ATAD2B: variants seen among roughly 807,000 people sequenced by gnomAD.
The protein encoded by ATAD2B is ATPase family AAA domain-containing protein 2B.
ATAD2B carries 40 observed loss-of-function variants against 167.6 expected under a neutral mutation model. The observed-to-expected ratio is 0.24, with a 90% CI of 0.19 to 0.31. ATAD2B has a LOEUF of 0.31. Among genes scored for constraint, ATAD2B ranks in the 10% least tolerant of loss-of-function variants. The probability of loss-of-function intolerance (pLI) is 1.00; values close to 1 mark genes in which losing one functional copy is unlikely to be tolerated. For missense variants in ATAD2B, 1,242 were observed against 1,757.2 expected (o/e 0.71, Z 5.24); for synonymous variants, 579 against 596.5 (o/e 0.97, Z 0.43).
intron 1 of ATAD2B, among the ~76,000 whole-genome samples, chr2:23,904,529 TTTCC>T (rs1701236765): frequency 8.0e-6 from 1 of 124,960 alleles, no homozygotes; most frequent in African/African-American, 2.9e-5. Context: ...AGGAAAGGAT[TTTCC>T]TTCCTTTTTT....
At chr2:23,757,227 G>C (rs960093138) in intron 25 of ATAD2B, among the ~76,000 whole-genome samples, 191 bp downstream of exon 25, 1 of 152,086 alleles carries the variant, frequency 6.6e-6, no homozygotes. Flanking sequence ...AGCAAAATTT[G>C]GTGCATGCCT....
chr2:23,762,266 G>A lies in ATAD2B; in HGVS notation c.3337C>T (p.Arg1113Trp), dbSNP rs1676843336. 4.3e-6 allele frequency: 7 copies of A among 1,613,422 alleles called. 1 individual carries two copies. In the East Asian group the frequency reaches 6.7e-5, roughly 15 times the overall value. Residue 1113 changes from arginine (R) to tryptophan (W), a missense_variant, in exon 24 of 28, where the codon CGG (arginine) becomes TGG (tryptophan). Physicochemically the swap from Arg to Trp is moderately radical, Grantham distance 101 (BLOSUM62 -3). This residue lies in a region of ATAD2B where 204 missense variants were observed against 324.0 expected (regional missense o/e 0.63). Coordinates refer to ENST00000238789, the MANE Select transcript of ATAD2B (RefSeq NM_017552.4). ...TCCATTGGATTTCTTTGTTTGTGCC[G>A]AAATGCCTCTTCGACTCTAGTTTCT... ...KTETRVEEAF[R>W]HKQRNPMDVW...
chr2:23,711,071 C>T, the ATAD2B span, among the ~76,000 whole-genome samples: 4 of 151,926 alleles, frequency 2.6e-5, no homozygotes, highest in African/African-American at 9.7e-5. Flanking sequence ...AAAGGGAAAA[C>T]AATGTATATT....
At chr2:23,917,216 C>T (rs914613105) in intron 1 of ATAD2B, among the ~76,000 whole-genome samples, 3 of 152,190 alleles carry the variant, frequency 2.0e-5, no homozygotes, top group Admixed American at 2.0e-4. Context: ...CAAGCCTCAC[C>T]ATCAAAAACT....
the ATAD2B span, among the ~76,000 whole-genome samples, chr2:23,727,436 G>A: frequency 6.6e-6 from 1 of 152,214 alleles, no homozygotes; most frequent in Non-Finnish European, 1.5e-5. Flanking sequence ...CTGACAAACT[G>A]TGGGACAAAC....
At chr2:23,678,003 T>G in the ATAD2B span, among the ~76,000 whole-genome samples, 50 of 152,372 alleles carry the variant, frequency 3.3e-4, no homozygotes, top group Non-Finnish European at 4.7e-4. Context: ...ACTTCTCTGC[T>G]GCAAAGCCAC....
chr2:23,700,852 T>G, the ATAD2B span, among the ~76,000 whole-genome samples: 1 of 152,126 alleles, frequency 6.6e-6, no homozygotes, highest in Non-Finnish European at 1.5e-5. This position sits in a 1 kb window ranked among gnomAD's most constrained non-coding sequence, Gnocchi z 4.6. Context: ...AGCCACTCAC[T>G]CGCTGTTGGG....
the ATAD2B span, among the ~76,000 whole-genome samples, chr2:23,738,477 C>T: frequency 2.6e-5 from 4 of 152,100 alleles, no homozygotes; most frequent in Non-Finnish European, 4.4e-5. Flanking sequence ...AGAAATAAAA[C>T]ACTTTACAGA....
intron 24 of ATAD2B, among the ~76,000 whole-genome samples, chr2:23,760,536 G>A (rs995953413): frequency 2.0e-5 from 3 of 151,732 alleles, no homozygotes; most frequent in Non-Finnish European, 4.4e-5. Context: ...GCTGGCAGGC[G>A]CCTGTCGTCC....
chr2:23,762,850 T>A (rs747084723), intron 23 of ATAD2B, among the ~76,000 whole-genome samples: 33 of 152,196 alleles, frequency 2.2e-4, no homozygotes, highest in Non-Finnish European at 4.6e-4. Context: ...AGAGATTTAT[T>A]TCTTCTATGT....
chr2:23,780,183 G>A (rs1001274328), intron 22 of ATAD2B, among the ~76,000 whole-genome samples: 2 of 151,960 alleles, frequency 1.3e-5, no homozygotes, highest in African/African-American at 4.8e-5. Flanking sequence ...AGGAGACAAA[G>A]GTTGCAGTGA....
intron 1 of ATAD2B, among the ~76,000 whole-genome samples, chr2:23,910,367 G>A (rs554968399): frequency 1.7e-4 from 25 of 150,430 alleles, no homozygotes; most frequent in Admixed American, 7.3e-4. Flanking sequence ...TAGTACAGAC[G>A]GGGTTTCTCC....
chr2:23,865,008 T>C, intron 10 of ATAD2B, 84 bp from the exon 11 acceptor site: 3 of 744,812 alleles, frequency 4.0e-6, no homozygotes, highest in Non-Finnish European at 6.3e-6. Context: ...AGTCTTACGA[T>C]TCAGAAATAC....
the ATAD2B span, among the ~76,000 whole-genome samples, chr2:23,730,665 CAAAAAAAAAAAAAAAAA>C: frequency 1.3e-4 from 4 of 31,980 alleles, no homozygotes; most frequent in Non-Finnish European, 2.2e-4. Flanking sequence ...GACTCCGTTT[CAAAAAAAAAAAAAAAAA>C]AAAAAAAAGG....
Position 23,927,044 on chromosome 2 carries a change from C to A in ATAD2B, c.-274G>T. ...CCTCCTCAGCGGGAGCCGAGCGGAG[C>A]CGCCATTTCTACCCCTTTCTCTCCC... On this transcript the variant is annotated 5_prime_UTR_variant, in exon 1 of 28. Transcript: ENST00000238789. The A allele has an allele frequency of 4.4e-6, 2 of 452,738 alleles. No homozygotes were observed. The highest frequency in any genetic ancestry group is 7.8e-6 in the Non-Finnish European group (2 of 257,786). The allele number at this position is 452,738 out of a possible 1,614,324, so 28.0% of individuals were successfully genotyped here. A position where few individuals can be genotyped will look rare whatever the true frequency, so the allele number is the denominator to read the frequency against.
At chr2:23,706,177 CCTGAG>C in the ATAD2B span, among the ~76,000 whole-genome samples, 12 of 152,258 alleles carry the variant, frequency 7.9e-5, no homozygotes, top group African/African-American at 2.7e-4. Flanking sequence ...GCCTCAGTGA[CCTGAG>C]CTGAGTGCCC....
chr2:23,884,691 T>C (rs1305094100), intron 6 of ATAD2B, 74 bp downstream of exon 6: 3 of 768,958 alleles, frequency 3.9e-6, no homozygotes. Context: ...ACATTCTACA[T>C]ATATTACTTG....
intron 8 of ATAD2B, chr2:23,872,861 T>C: frequency 1.1e-6 from 1 of 915,552 alleles, no homozygotes; most frequent in Admixed American, 1.7e-5. Flanking sequence ...GTCAAACTCA[T>C]AGCCAGCCAT....
chr2:23,708,980 G>T, the ATAD2B span, among the ~76,000 whole-genome samples: 3 of 152,216 alleles, frequency 2.0e-5, no homozygotes, highest in African/African-American at 7.2e-5. Context: ...AGCCTAAGAG[G>T]AGACACAACA....
Sources: gnomAD v4.1 joint callset for allele counts (sites outside exome capture counted in the v4.1 genomes callset) on GRCh38, gnomAD v4.1.1 for gene constraint, gnomAD v4.1.1 regional missense constraint, Gnocchi (gnomAD v3.1) non-coding constraint, MANE v1.5 for transcripts, NCBI Gene and HGNC (gene_info 2026-07-23, HGNC 2026-07-21) for gene names.